The following RNF138 variants were observed in gnomAD, a reference collection of about 807,000 sequenced individuals.
RNF138 encodes ring finger protein 138.
RNF138 carries 12 observed loss-of-function variants against 31.0 expected under a neutral mutation model. That is an observed-to-expected ratio of 0.39 (90% CI 0.25 to 0.63). The LOEUF (loss-of-function observed/expected upper bound fraction) is 0.63. RNF138 is among the 20% of genes least tolerant of loss of function. RNF138 has a pLI of 0.52. For synonymous variants in RNF138, 105 were observed against 99.5 expected, an observed-to-expected ratio of 1.06 and a Z score of -0.33; for missense variants, 192 against 300.1, an observed-to-expected ratio of 0.64 and a Z score of 2.66.
In RNF138 at chr18:32,111,855, G is replaced by A; in HGVS notation, c.212G>A (p.Arg71Gln). The change falls in exon 3 of 8, where the codon CGG (arginine) becomes CAG (glutamine). Residue 71 changes from arginine (R) to glutamine (Q), a missense_variant. Physicochemically the swap from Arg to Gln is conservative, Grantham distance 43 (BLOSUM62 1). Around this residue, in one of 2 missense-constraint regions of RNF138, gnomAD observed 140 missense variants for 251.7 expected, o/e 0.56. Coordinates refer to ENST00000261593, the MANE Select transcript of RNF138 (RefSeq NM_016271.5). ...VTRRERACPE[R>Q]ALDLENIMRK... is the part of the protein sequence containing the mutation. ...AGAAGAGAGAGAGCATGTCCTGAAC[G>A]GGCCTTAGACCTTGAAAATATAATG... 1 of 1,613,892 alleles carries A rather than the reference G, an allele frequency of 6.2e-7. No individual in the cohort carries two copies. Among genetic ancestry groups the A allele is most frequent in the Non-Finnish European group, 8.5e-7 (1 of 1,179,912 alleles).
In RNF138 at chr18:32,100,468, CTTTTTT is replaced by C. The variant is rs754111567; in HGVS notation, c.110+7601_110+7606del. 8.6e-5 allele frequency among the ~76,000 whole-genome samples: 6 copies of C among 69,886 alleles called. 1 individual carries two copies. The highest frequency in any genetic ancestry group is 4.4e-4 in the Admixed American group (2 of 4,554). The allele number at this position is 69,886 out of a possible 152,430, so 45.8% of individuals were successfully genotyped here. ...ATGTGCCACCACCACACCCAACTAA[CTTTTTT>C]TTTTTTTTTTTTTTTTTTGAGACGG... On this transcript the variant is annotated intron_variant, in intron 2 of 7. Transcript: ENST00000261593.
chr18:32,114,109 T>C (rs1253863390), intron 4 of RNF138, among the ~76,000 whole-genome samples: 2 of 152,198 alleles, frequency 1.3e-5, no homozygotes, highest in Non-Finnish European at 2.9e-5. Flanking sequence ...AGAATTTTCA[T>C]TTTTTTGAGT....
chr18:32,119,767 C>T (rs1359525861), intron 4 of RNF138, among the ~76,000 whole-genome samples: 1 of 152,176 alleles, frequency 6.6e-6, no homozygotes, highest in Admixed American at 6.6e-5. Flanking sequence ...TCATTTAGAA[C>T]ATGAGTAAAT....
In RNF138 at chr18:32,092,758, T is replaced by G. The variant is rs1200671758; in HGVS notation, c.-19T>G. On this transcript the variant is annotated 5_prime_UTR_variant, in exon 2 of 8. Transcript: ENST00000261593. ...GCCGCTGCCGCTGTCGCCATCGCCTTGTTTCCCCATCCCCCGCCATGGCCG... is the reference window on the plus strand; with the variant it reads ...GCCGCTGCCGCTGTCGCCATCGCCTGGTTTCCCCATCCCCCGCCATGGCCG... 2.0e-6 allele frequency: 3 copies of G among 1,511,854 alleles called. No individual in the cohort carries two copies. Among genetic ancestry groups the G allele is most frequent in the Non-Finnish European group, 2.7e-6 (3 of 1,116,158 alleles). The allele number at this position is 1,511,854 out of a possible 1,614,324, so 93.7% of individuals were successfully genotyped here.
At chr18:32,112,929 C>G (rs1324105095) in intron 3 of RNF138, among the ~76,000 whole-genome samples, 2 of 152,174 alleles carry the variant, frequency 1.3e-5, no homozygotes, top group Non-Finnish European at 2.9e-5. Flanking sequence ...CTATTTCATG[C>G]ATTCACACAA....
intron 4 of RNF138, among the ~76,000 whole-genome samples, chr18:32,121,033 G>A (rs56277951): frequency 0.02 from 3,018 of 152,022 alleles, 95 homozygotes; most frequent in African/African-American, 0.069. Context: ...TACTCGGGAG[G>A]CTGAGGCACG....
At chr18:32,110,087 A>G (rs1267971905) in intron 2 of RNF138, among the ~76,000 whole-genome samples, 1 of 152,066 alleles carries the variant, frequency 6.6e-6, no homozygotes, top group Non-Finnish European at 1.5e-5. Context: ...CCTGGGCTCA[A>G]GTGATCCTTC....
intron 2 of RNF138, among the ~76,000 whole-genome samples, chr18:32,110,890 C>T (rs1383914161): frequency 6.6e-6 from 1 of 151,910 alleles, no homozygotes; most frequent in Non-Finnish European, 1.5e-5. Flanking sequence ...ATGCCATTCT[C>T]CTGCCTCAGC....
chr18:32,127,962 C>G (rs969817260), intron 7 of RNF138, among the ~76,000 whole-genome samples: 6 of 152,134 alleles, frequency 3.9e-5, no homozygotes, highest in Non-Finnish European at 7.3e-5. Context: ...TGCCTATAGT[C>G]CCAGCTACTC....
At chr18:32,124,564 C>A (rs1367173248) in intron 5 of RNF138, 170 bp from the exon 6 acceptor site, 1 of 556,126 alleles carries the variant, frequency 1.8e-6, no homozygotes, top group Non-Finnish European at 3.2e-6. Context: ...GATTGGGAAC[C>A]TCTGTAATGC....
At chr18:32,120,303 T>C (rs1363876116) in intron 4 of RNF138, among the ~76,000 whole-genome samples, 2 of 152,166 alleles carry the variant, frequency 1.3e-5, no homozygotes, top group Admixed American at 6.6e-5. Context: ...TAAAAACATA[T>C]ATACATCTGG....
rs150626339 is a variant in RNF138, at chr18:32,104,556, GAAAC to G, written c.111-7195_111-7192del. ...CATAATTTGTCGATTAAAAACAAGA[GAAAC>G]AATAAGAGTACAGGGAGGTTTGATG... is the stretch of plus-strand genomic sequence containing the variant. On this transcript the variant is annotated intron_variant, in intron 2 of 7. Coordinates refer to ENST00000261593, the MANE Select transcript of RNF138 (RefSeq NM_016271.5). Among the ~76,000 whole-genome samples the G allele has an allele frequency of 1.0e-3, 157 of 152,106 alleles. 3 individuals carry two copies. In the East Asian group the frequency reaches 0.024, roughly 23 times the overall value.
intron 6 of RNF138, among the ~76,000 whole-genome samples, chr18:32,125,813 GA>G (rs1387942210): frequency 1.7e-4 from 26 of 152,196 alleles, no homozygotes; most frequent in African/African-American, 6.3e-4. Context: ...AACCATTGAG[GA>G]TGACCTTAAG....
chr18:32,108,650 A>G (rs1363983116), intron 2 of RNF138, among the ~76,000 whole-genome samples: 1 of 151,822 alleles, frequency 6.6e-6, no homozygotes, highest in Non-Finnish European at 1.5e-5. Context: ...ATTTTTTCTG[A>G]TTATATATGT....
chr18:32,105,574 C>T (rs779291417), intron 2 of RNF138, among the ~76,000 whole-genome samples: 3 of 152,172 alleles, frequency 2.0e-5, no homozygotes, highest in Non-Finnish European at 4.4e-5. Flanking sequence ...AGAATCTCTG[C>T]TGTGTGCTAT....
At chr18:32,128,012 A>T (rs904990108) in intron 7 of RNF138, among the ~76,000 whole-genome samples, 87 of 152,308 alleles carry the variant, frequency 5.7e-4, no homozygotes, top group African/African-American at 2.0e-3. Context: ...CCCGGGAGGC[A>T]GAGCTTGCAG....
Position 32,092,724 on chromosome 18 carries a change from G to C in RNF138, c.-53G>C, listed in dbSNP as rs2039720222. On this transcript the variant is annotated 5_prime_UTR_variant, in exon 2 of 8. Transcript: ENST00000261593. ...GGGAGTCGGGCCCCGGGCCGCCACC[G>C]TCACCTCGGCCGCTGCCGCTGTCGC... The C allele has an allele frequency of 4.1e-6, 5 of 1,207,560 alleles. No homozygotes were observed. Among genetic ancestry groups the C allele is most frequent in the Non-Finnish European group, 5.9e-6 (5 of 848,468 alleles). The allele number at this position is 1,207,560 out of a possible 1,614,324, so 74.8% of individuals were successfully genotyped here. A position where few individuals can be genotyped will look rare whatever the true frequency, so the allele number is the denominator to read the frequency against.
Position 32,111,115 on chromosome 18 carries a change from G to A in RNF138, c.111-639G>A, listed in dbSNP as rs1414135528. Among the ~76,000 whole-genome samples, 10 of 152,206 alleles carry A rather than the reference G, an allele frequency of 6.6e-5. No individual in the cohort carries two copies. The South Asian group carries it at 2.1e-3, about 31-fold the overall frequency. On this transcript the variant is annotated intron_variant, in intron 2 of 7. Transcript: ENST00000261593. ...TATTCTTAAGTATTTCTCAAATTAT[G>A]TTCCATTGCATACTGTTTGGGAAAT... is the stretch of plus-strand genomic sequence containing the variant.
intron 6 of RNF138, 86 bp from the exon 7 acceptor site, chr18:32,126,607 T>C: frequency 1.3e-6 from 1 of 796,384 alleles, no homozygotes; most frequent in Non-Finnish European, 2.0e-6. Context: ...TTTGGTAACA[T>C]ATCCCTGTGT....
Sources: gnomAD v4.1 joint callset for allele counts (sites outside exome capture counted in the v4.1 genomes callset) on GRCh38, gnomAD v4.1.1 for gene constraint, gnomAD v4.1.1 regional missense constraint, MANE v1.5 for transcripts, NCBI Gene and HGNC (gene_info 2026-07-23, HGNC 2026-07-21) for gene names.